Variants in IRAK3 observed in about 807,000 individuals in gnomAD.
IRAK3 encodes interleukin-1 receptor-associated kinase 3.
A neutral mutation model predicts 56.6 loss-of-function variants in IRAK3; 57 were observed. The observed-to-expected ratio is 1.01, with a 90% CI of 0.81 to 1.26. The LOEUF is 1.26. Ranked by LOEUF, IRAK3 falls within the 50% of genes most tolerant of loss-of-function variation. IRAK3 has a pLI of 0.00. For missense variants in IRAK3, 703 were observed against 719.0 expected (o/e 0.98, Z 0.25); for synonymous variants, 258 against 255.7 (o/e 1.01, Z -0.09).
At chr12:66,220,979 A>G (rs2052727470) in intron 6 of IRAK3, among the ~76,000 whole-genome samples, 1 of 152,218 alleles carries the variant, frequency 6.6e-6, no homozygotes, top group Non-Finnish European at 1.5e-5. Context: ...TTTTAACAAT[A>G]TTAATTCTTT....
chr12:66,244,622 C>A lies in IRAK3; in HGVS notation c.1024C>A (p.Pro342Thr). 6.2e-7 allele frequency: 1 copy of A among 1,613,782 alleles called. No individual in the cohort carries two copies. The highest frequency in any genetic ancestry group is 8.5e-7 in the Non-Finnish European group (1 of 1,179,838). ...SSSSKHLWYM[P>T]EEYIRQGKLS... Reference sequence around the variant, plus strand: ...CAGCAGTAAACATCTGTGGTACATGCCAGAAGAGTACATCAGACAGGGGAA... The same window carrying A: ...CAGCAGTAAACATCTGTGGTACATGACAGAAGAGTACATCAGACAGGGGAA... Residue 342 changes from proline to threonine, a missense_variant, in exon 9 of 12, where the codon CCA becomes ACA. Transcript: ENST00000261233.
At chr12:66,209,703 A>G (rs1369015595) in intron 3 of IRAK3, among the ~76,000 whole-genome samples, 183 bp downstream of exon 3, 2 of 152,326 alleles carry the variant, frequency 1.3e-5, no homozygotes, top group East Asian at 3.9e-4. Context: ...AGATTTATAA[A>G]TATTTGAGAA....
intron 1 of IRAK3, chr12:66,197,165 T>C: frequency 7.8e-7 from 1 of 1,282,826 alleles, no homozygotes. Context: ...AGATTTGTGT[T>C]CCAAAAAATG....
intron 1 of IRAK3, among the ~76,000 whole-genome samples, chr12:66,198,728 A>G (rs1292608400): frequency 6.6e-6 from 1 of 151,710 alleles, no homozygotes; most frequent in Non-Finnish European, 1.5e-5. Context: ...ATATTAGTCA[A>G]TTAATTTTCT....
intron 6 of IRAK3, among the ~76,000 whole-genome samples, chr12:66,217,948 C>T (rs759302024): frequency 2.6e-5 from 4 of 152,126 alleles, no homozygotes; most frequent in Non-Finnish European, 5.9e-5. Context: ...TCAAAGCTTA[C>T]ATATCACTTA....
At chr12:66,216,768 T>C (rs542882164) in intron 5 of IRAK3, among the ~76,000 whole-genome samples, 56 of 152,300 alleles carry the variant, frequency 3.7e-4, no homozygotes, top group African/African-American at 1.3e-3. Context: ...ATAACCCAAG[T>C]CATAAACACC....
At chr12:66,196,926 G>T in intron 1 of IRAK3, 4 of 1,534,914 alleles carry the variant, frequency 2.6e-6, no homozygotes, top group Non-Finnish European at 3.5e-6. Flanking sequence ...TTTTGCAGGG[G>T]TTTTGGCATG....
At chr12:66,218,912 G>C (rs2052703547) in intron 6 of IRAK3, among the ~76,000 whole-genome samples, 1 of 152,156 alleles carries the variant, frequency 6.6e-6, no homozygotes, top group African/African-American at 2.4e-5. Context: ...ATATAAGTGA[G>C]ATCATGCAGT....
chr12:66,234,915 C>T, intron 8 of IRAK3: 4 of 1,614,152 alleles, frequency 2.5e-6, no homozygotes, highest in Admixed American at 1.7e-5. Context: ...GCTTGAACCC[C>T]ACTGGCCTTC....
chr12:66,214,430 A>G (rs1022178382), intron 5 of IRAK3, among the ~76,000 whole-genome samples: 1 of 151,976 alleles, frequency 6.6e-6, no homozygotes, highest in Non-Finnish European at 1.5e-5. Context: ...AGTTCCAGCT[A>G]CTCGAGAGGC....
intron 8 of IRAK3, among the ~76,000 whole-genome samples, chr12:66,235,624 G>A (rs558004280): frequency 6.7e-6 from 1 of 149,200 alleles, no homozygotes; most frequent in East Asian, 1.9e-4. Context: ...CGCGTCCTCC[G>A]ATATTATTAA....
intron 5 of IRAK3, among the ~76,000 whole-genome samples, chr12:66,216,371 G>A (rs2052677117): frequency 6.6e-6 from 1 of 152,076 alleles, no homozygotes; most frequent in South Asian, 2.1e-4. Context: ...GTTCAACTTG[G>A]AAAATAGTTT....
intron 6 of IRAK3, 96 bp downstream of exon 6, chr12:66,217,331 A>T (rs561405237): frequency 1.4e-4 from 130 of 920,732 alleles, no homozygotes; most frequent in Non-Finnish European, 2.3e-4. Flanking sequence ...CGTGACATGT[A>T]ATAAATTTGG....
chr12:66,234,786 T>C, intron 8 of IRAK3: 2 of 1,597,728 alleles, frequency 1.3e-6, no homozygotes, highest in Non-Finnish European at 1.7e-6. Context: ...AGTATCCTTG[T>C]AGAAATAACT....
chr12:66,197,128 A>AT (rs1444059433), intron 1 of IRAK3: 2 of 1,295,934 alleles, frequency 1.5e-6, no homozygotes, highest in Non-Finnish European at 2.0e-6. Flanking sequence ...TTTTTGGCTT[A>AT]TGTGACTCCA....
At chr12:66,206,993 C>G (rs2052564557) in intron 2 of IRAK3, among the ~76,000 whole-genome samples, 2 of 152,194 alleles carry the variant, frequency 1.3e-5, no homozygotes, top group South Asian at 4.1e-4. Context: ...TTTGGCATAT[C>G]ATTGTTCATA....
intron 1 of IRAK3, among the ~76,000 whole-genome samples, chr12:66,202,821 A>G (rs534099183): frequency 4.3e-4 from 66 of 151,896 alleles, no homozygotes; most frequent in African/African-American, 1.4e-3. Flanking sequence ...ATAAAATAAA[A>G]ATAAAAGGAA....
In IRAK3 at chr12:66,245,251, T is replaced by G; in HGVS notation, c.1303T>G (p.Ser435Ala). ...TGCAACGCGGGCAAAGTTAAGACCA[T>G]CAATGGATGAAGTGAGTATATACAT... ...CAATRAKLRP[S>A]MDEVLNTLES... Residue 435 changes from serine (S) to alanine (A), a missense_variant, in exon 11 of 12, where the codon TCA (serine) becomes GCA (alanine). Ser to Ala is a moderately conservative substitution (Grantham distance 99). Transcript: ENST00000261233. 1 of 1,614,128 alleles carries G rather than the reference T, an allele frequency of 6.2e-7. No individual in the cohort carries two copies. The highest frequency in any genetic ancestry group is 1.7e-5 in the Admixed American group (1 of 60,016).
intron 8 of IRAK3, among the ~76,000 whole-genome samples, chr12:66,241,995 T>C (rs967506422): frequency 6.6e-6 from 1 of 152,192 alleles, no homozygotes; most frequent in African/African-American, 2.4e-5. Context: ...TTTTTTTGTG[T>C]GTGTGTGTGT....
Sources: gnomAD v4.1 joint callset for allele counts (sites outside exome capture counted in the v4.1 genomes callset) on GRCh38, gnomAD v4.1.1 for gene constraint, MANE v1.5 for transcripts, NCBI Gene and HGNC (gene_info 2026-07-23, HGNC 2026-07-21) for gene names.